The following UNC13C variants were observed in gnomAD, a reference collection of about 807,000 sequenced individuals.
UNC13C encodes protein unc-13 homolog C.
A neutral mutation model predicts 245.4 loss-of-function variants in UNC13C; 174 were observed. The observed-to-expected ratio is 0.71, with a 90% CI of 0.63 to 0.80. UNC13C has a LOEUF of 0.80. Among genes scored for constraint, UNC13C ranks in the 30% least tolerant of loss-of-function variants. The pLI is 0.00. For missense variants in UNC13C, 2,829 were observed against 2,602.9 expected, an observed-to-expected ratio of 1.09 and a Z score of -1.89; for synonymous variants, 992 against 895.1, an observed-to-expected ratio of 1.11 and a Z score of -1.93.
chr15:54,380,754 A>G (rs766717801), intron 17 of UNC13C, among the ~76,000 whole-genome samples: 8 of 152,070 alleles, frequency 5.3e-5, no homozygotes, highest in Non-Finnish European at 7.4e-5. Flanking sequence ...CTATTTGTAT[A>G]TCTTCTTTTG....
chr15:54,512,315 T>C (rs1281626314), intron 24 of UNC13C: 3 of 455,874 alleles, frequency 6.6e-6, no homozygotes, highest in South Asian at 4.6e-5. Flanking sequence ...CATGTCTTTG[T>C]CCAACATCTT....
intron 2 of UNC13C, among the ~76,000 whole-genome samples, chr15:54,103,989 C>A (rs555664577): frequency 6.6e-6 from 1 of 152,286 alleles, no homozygotes; most frequent in East Asian, 1.9e-4. Context: ...GTGATCTGCC[C>A]GCCTCGGCCT....
intron 2 of UNC13C, among the ~76,000 whole-genome samples, chr15:54,087,238 C>G (rs1277073967): frequency 6.6e-6 from 1 of 151,916 alleles, no homozygotes; most frequent in Non-Finnish European, 1.5e-5. Flanking sequence ...AAAAATAAAT[C>G]AAAGAGTCTT....
intron 2 of UNC13C, among the ~76,000 whole-genome samples, chr15:54,078,374 G>T (rs1021787416): frequency 2.6e-4 from 39 of 152,024 alleles, no homozygotes; most frequent in Non-Finnish European, 3.5e-4. Flanking sequence ...TTGTTTAATC[G>T]AATTTTAGTT....
At chr15:54,325,765 C>A in intron 14 of UNC13C, among the ~76,000 whole-genome samples, 1 of 151,864 alleles carries the variant, frequency 6.6e-6, no homozygotes, top group East Asian at 1.9e-4. Flanking sequence ...TGAAAGAAAG[C>A]GTGAAATTGG....
intron 4 of UNC13C, among the ~76,000 whole-genome samples, chr15:54,178,919 A>G (rs1446129376): frequency 6.6e-6 from 1 of 152,098 alleles, no homozygotes; most frequent in East Asian, 1.9e-4. Flanking sequence ...CATGATATCT[A>G]CCAAATTTGG....
At chr15:54,587,197 A>G (rs1898540083) in intron 30 of UNC13C, among the ~76,000 whole-genome samples, 2 of 152,094 alleles carry the variant, frequency 1.3e-5, no homozygotes, top group African/African-American at 4.8e-5. Flanking sequence ...AAATGACAGA[A>G]TTTTATGAAA....
chr15:54,086,465 G>C (rs767225128), intron 2 of UNC13C, among the ~76,000 whole-genome samples: 1 of 152,024 alleles, frequency 6.6e-6, no homozygotes, highest in African/African-American at 2.4e-5. Flanking sequence ...TAAAATTGAG[G>C]CTGCTCAGTC....
At chr15:54,579,086 A>C (rs900404004) in intron 30 of UNC13C, among the ~76,000 whole-genome samples, 10 of 152,194 alleles carry the variant, frequency 6.6e-5, no homozygotes, top group Non-Finnish European at 1.3e-4. Context: ...GTGACAAAGA[A>C]ATATGGGCAG....
At chr15:54,339,972 T>C (rs529557722) in intron 17 of UNC13C, among the ~76,000 whole-genome samples, 5 of 152,200 alleles carry the variant, frequency 3.3e-5, no homozygotes, top group Non-Finnish European at 5.9e-5. Flanking sequence ...ATGTTTTTAC[T>C]ATGGCCATTC....
intron 18 of UNC13C, among the ~76,000 whole-genome samples, chr15:54,396,585 G>T (rs118066321): frequency 0.017 from 2,557 of 151,472 alleles, 26 homozygotes; most frequent in Non-Finnish European, 0.028. Context: ...ACAAGTCTTT[G>T]TATAGACATA....
At chr15:54,178,000 G>T (rs1318540748) in intron 4 of UNC13C, among the ~76,000 whole-genome samples, 1 of 151,886 alleles carries the variant, frequency 6.6e-6, no homozygotes, top group Non-Finnish European at 1.5e-5. Flanking sequence ...TTTAAAATGT[G>T]CATTTTTATT....
intron 7 of UNC13C, among the ~76,000 whole-genome samples, chr15:54,240,390 T>C (rs2035819752): frequency 1.3e-5 from 2 of 152,312 alleles, no homozygotes; most frequent in African/African-American, 4.8e-5. Flanking sequence ...GTGCTGAAAA[T>C]CTTTCTAGGC....
At chr15:53,931,948 T>G in the UNC13C span, among the ~76,000 whole-genome samples, 1 of 152,132 alleles carries the variant, frequency 6.6e-6, no homozygotes, top group Admixed American at 6.5e-5. Flanking sequence ...AGTGTTAGTG[T>G]TTTTAATCAT....
intron 17 of UNC13C, among the ~76,000 whole-genome samples, chr15:54,388,383 T>C (rs1229888170): frequency 6.6e-6 from 1 of 152,148 alleles, no homozygotes; most frequent in East Asian, 1.9e-4. Context: ...GTAGTGTCAC[T>C]ACAAGTTCAG....
intron 4 of UNC13C, among the ~76,000 whole-genome samples, chr15:54,192,182 A>G (rs2034208052): frequency 6.6e-6 from 1 of 152,194 alleles, no homozygotes; most frequent in Admixed American, 6.6e-5. Flanking sequence ...TGAGTGCAAG[A>G]TAATGTGTTT....
the UNC13C span, among the ~76,000 whole-genome samples, chr15:53,882,072 A>G: frequency 6.6e-6 from 1 of 152,204 alleles, no homozygotes; most frequent in African/African-American, 2.4e-5. Flanking sequence ...AACCTCTAAA[A>G]TGCTTATAAA....
chr15:54,350,896 G>A (rs2038967138), intron 17 of UNC13C, among the ~76,000 whole-genome samples: 1 of 152,118 alleles, frequency 6.6e-6, no homozygotes, highest in African/African-American at 2.4e-5. Flanking sequence ...CATCTACAAT[G>A]TGCTTCTTTA....
intron 30 of UNC13C, among the ~76,000 whole-genome samples, chr15:54,569,347 A>T (rs914532676): frequency 2.0e-5 from 3 of 152,068 alleles, no homozygotes; most frequent in African/African-American, 7.2e-5. Flanking sequence ...GTTGCATATA[A>T]CATATGCACA....
Sources: allele counts gnomAD v4.1 joint callset (sites outside exome capture counted in the v4.1 genomes callset), GRCh38; gene constraint gnomAD v4.1.1; transcripts MANE v1.5; gene names NCBI Gene and HGNC (gene_info 2026-07-23, HGNC 2026-07-21).